USH2A: variants seen among roughly 807,000 people sequenced by gnomAD.
The protein encoded by USH2A is usherin.
USH2A carries 443 observed loss-of-function variants against 538.9 expected under a neutral mutation model. That is an observed-to-expected ratio of 0.82 (90% CI 0.76 to 0.89). The LOEUF is 0.89. USH2A is among the 40% of genes least tolerant of loss of function. The probability of loss-of-function intolerance (pLI) is 0.00; values close to 1 mark genes in which losing one functional copy is unlikely to be tolerated. For synonymous variants in USH2A, 2,413 were observed against 2,273.5 expected (o/e 1.06, Z -1.75); for missense variants, 6,633 against 6,324.8 (o/e 1.05, Z -1.65).
At chr1:215,854,674 C>T (rs1173522884) in intron 44 of USH2A, among the ~76,000 whole-genome samples, 2 of 152,224 alleles carry the variant, frequency 1.3e-5, no homozygotes, top group Non-Finnish European at 2.9e-5. Context: ...GCTTTATAGA[C>T]TGGCTTGAGG....
chr1:216,179,280 T>C (rs1190513076), intron 20 of USH2A, among the ~76,000 whole-genome samples: 1 of 152,126 alleles, frequency 6.6e-6, no homozygotes, highest in Non-Finnish European at 1.5e-5. Flanking sequence ...TTTTGTGTAA[T>C]AATTATTGAA....
intron 32 of USH2A, among the ~76,000 whole-genome samples, chr1:216,038,414 T>G (rs897245537): frequency 1.3e-5 from 2 of 152,048 alleles, no homozygotes; most frequent in Non-Finnish European, 2.9e-5. Flanking sequence ...CAAGTTAGTA[T>G]GAGTTTATTT....
chr1:215,811,724 T>C (rs570449773), intron 49 of USH2A, among the ~76,000 whole-genome samples: 5 of 151,690 alleles, frequency 3.3e-5, no homozygotes, highest in African/African-American at 1.2e-4. Context: ...CTGACCAACA[T>C]GGAGAAAGCC....
intron 65 of USH2A, 28 bp downstream of exon 65, chr1:215,650,564 G>A: frequency 6.2e-7 from 1 of 1,613,498 alleles, no homozygotes. Flanking sequence ...AAGTCAACCA[G>A]TCCTGGATTT....
rs527693635 is a variant in USH2A at position 215,715,530 on chromosome 1, G to T, written c.12066+12500C>A. On this transcript the variant is annotated intron_variant, in intron 61 of 71. Coordinates refer to ENST00000307340, the MANE Select transcript of USH2A (RefSeq NM_206933.4). ...GCTGTTGGGACACACATGAGAATTAGAATAAAGCACTAGATGGACAGGTCT... is the reference window on the plus strand; with the variant it reads ...GCTGTTGGGACACACATGAGAATTATAATAAAGCACTAGATGGACAGGTCT... Among the ~76,000 whole-genome samples, 5 of 152,280 alleles carry T rather than the reference G, an allele frequency of 3.3e-5. No individual in the cohort carries two copies. The East Asian group carries it at 9.7e-4, about 29-fold the overall frequency.
intron 35 of USH2A, among the ~76,000 whole-genome samples, chr1:215,992,432 A>G (rs1668023005): frequency 6.6e-6 from 1 of 152,220 alleles, no homozygotes; most frequent in South Asian, 2.1e-4. Flanking sequence ...AATTCACTAA[A>G]CTGTACAAAA....
chr1:216,219,381 C>A (rs1214536714), intron 14 of USH2A, among the ~76,000 whole-genome samples: 1 of 152,020 alleles, frequency 6.6e-6, no homozygotes, highest in African/African-American at 2.4e-5. Flanking sequence ...CCAAAGGACA[C>A]AGGGATAATT....
chr1:215,913,764 G>A (rs894366307), intron 38 of USH2A, among the ~76,000 whole-genome samples: 1 of 151,698 alleles, frequency 6.6e-6, no homozygotes, highest in Non-Finnish European at 1.5e-5. Context: ...AAAGTTGAGT[G>A]CAGAATGTGA....
chr1:215,969,844 A>G (rs1319894741), intron 36 of USH2A, among the ~76,000 whole-genome samples: 1 of 152,202 alleles, frequency 6.6e-6, no homozygotes, highest in African/African-American at 2.4e-5. Flanking sequence ...ATAGGGCATT[A>G]GCAAACATTG....
At chr1:215,767,742 G>A (rs1661172932) in intron 55 of USH2A, among the ~76,000 whole-genome samples, 1 of 152,072 alleles carries the variant, frequency 6.6e-6, no homozygotes, top group African/African-American at 2.4e-5. Flanking sequence ...AATCATTATA[G>A]CATCTAGCAG....
chr1:216,396,553 T>C (rs1420009466), intron 3 of USH2A, among the ~76,000 whole-genome samples: 2 of 152,184 alleles, frequency 1.3e-5, no homozygotes, highest in African/African-American at 4.8e-5. Flanking sequence ...TTGGTATTTA[T>C]TTTAACCATG....
intron 30 of USH2A, among the ~76,000 whole-genome samples, chr1:216,067,790 A>G (rs1204753379): frequency 6.6e-6 from 1 of 152,028 alleles, no homozygotes; most frequent in Non-Finnish European, 1.5e-5. Flanking sequence ...TGGAAATGTC[A>G]TTGTGTCCAA....
intron 30 of USH2A, among the ~76,000 whole-genome samples, chr1:216,069,377 C>T (rs762447889): frequency 1.3e-5 from 2 of 152,292 alleles, no homozygotes; most frequent in Admixed American, 6.5e-5. Flanking sequence ...GCTTTTCTAA[C>T]GTCCATTCTG....
At chr1:216,072,180 G>T (rs555670155) in intron 29 of USH2A, among the ~76,000 whole-genome samples, 1 of 152,244 alleles carries the variant, frequency 6.6e-6, no homozygotes, top group African/African-American at 2.4e-5. Flanking sequence ...ACAAATATTT[G>T]ACCCAAAATA....
At chr1:216,232,489 G>C (rs2035719644) in intron 13 of USH2A, among the ~76,000 whole-genome samples, 1 of 152,122 alleles carries the variant, frequency 6.6e-6, no homozygotes, top group South Asian at 2.1e-4. Flanking sequence ...ACCTTTGGTA[G>C]GGCAGACTTA....
chr1:215,817,159 T>G lies in USH2A; in HGVS notation c.9408A>C (p.Pro3136=). 6.2e-7 allele frequency: 1 copy of G among 1,612,598 alleles called. No individual in the cohort carries two copies. Among genetic ancestry groups the G allele is most frequent in the Non-Finnish European group, 8.5e-7 (1 of 1,178,908 alleles). The change falls in exon 48 of 72, where the codon CCA becomes CCC. Residue 3136 remains proline, a synonymous_variant. Transcript: ENST00000307340. The part of the protein sequence containing the change: ...LQIDWVSPRK[P]NGIILGYDLL... ...GATCATATCCAAGAATGATGCCATT[T>G]GGCTTCCGTGGAGACACCCAATCAA... is the stretch of plus-strand genomic sequence containing the variant.
chr1:216,090,685 T>C (rs1385530670), intron 22 of USH2A, among the ~76,000 whole-genome samples: 1 of 152,170 alleles, frequency 6.6e-6, no homozygotes, highest in Non-Finnish European at 1.5e-5. Context: ...AGTTTAATAA[T>C]TAAAACCAGA....
chr1:216,272,350 T>G (rs1446028951), intron 11 of USH2A, among the ~76,000 whole-genome samples: 1 of 152,138 alleles, frequency 6.6e-6, no homozygotes, highest in Non-Finnish European at 1.5e-5. Flanking sequence ...CTGATGTTGG[T>G]AATTTGTGTT....
Position 215,746,153 on chromosome 1 carries a change from C to G in USH2A, c.11390-2818G>C, listed in dbSNP as rs149784206. 5.3e-3 allele frequency among the ~76,000 whole-genome samples: 800 copies of G among 152,276 alleles called. 10 individuals carry two copies. The highest frequency in any genetic ancestry group is 0.018 in the African/African-American group (764 of 41,550). On this transcript the variant is annotated intron_variant, in intron 58 of 71. Transcript: ENST00000307340. Reference sequence around the variant, plus strand: ...ACTGTCTATGTGAAATTTACACATTCTCCCCATGTCTGCGTGGTTTCTTTA... The same window carrying G: ...ACTGTCTATGTGAAATTTACACATTGTCCCCATGTCTGCGTGGTTTCTTTA...
Sources: allele counts gnomAD v4.1 joint callset (sites outside exome capture counted in the v4.1 genomes callset), GRCh38; gene constraint gnomAD v4.1.1; transcripts MANE v1.5; gene names NCBI Gene and HGNC (gene_info 2026-07-23, HGNC 2026-07-21).